The following PCDHA2 variants were observed in gnomAD, a reference collection of about 807,000 sequenced individuals.
PCDHA2 encodes the protein protocadherin alpha-2.
Under a neutral mutation model 66.0 loss-of-function variants are expected in PCDHA2, and 58 were observed. The observed-to-expected ratio is 0.88, with a 90% CI of 0.71 to 1.09. PCDHA2 has a LOEUF of 1.09. Ranked by LOEUF, PCDHA2 falls within the 50% of genes least tolerant of loss-of-function variation. The pLI, the probability that PCDHA2 is intolerant of heterozygous loss-of-function variation, is 0.00. For missense variants in PCDHA2, 1,267 were observed against 1,242.3 expected (o/e 1.02, Z -0.30); for synonymous variants, 634 against 554.0 (o/e 1.14, Z -2.03).
chr5:140,850,665 T>TCGGCGATGCC, intron 1 of PCDHA2: 1 of 1,598,290 alleles, frequency 6.3e-7, no homozygotes, highest in African/African-American at 1.3e-5. Context: ...GCTGCGGTGC[T>TCGGCGATGCC]CGGCGATGCC....
intron 1 of PCDHA2, among the ~76,000 whole-genome samples, chr5:140,937,823 A>T (rs2091776135): frequency 6.6e-6 from 1 of 151,692 alleles, no homozygotes; most frequent in Admixed American, 6.6e-5. Context: ...GAGGCAGGAG[A>T]ATGGCATGAA....
At chr5:140,997,993 C>T (rs1356544638) in intron 3 of PCDHA2, among the ~76,000 whole-genome samples, 1 of 152,082 alleles carries the variant, frequency 6.6e-6, no homozygotes, top group Non-Finnish European at 1.5e-5. Flanking sequence ...TACATACTTC[C>T]CTCTGAGCCT....
chr5:140,797,446 A>T (rs183641281), intron 1 of PCDHA2, 94 bp downstream of exon 1: 1 of 1,337,564 alleles, frequency 7.5e-7, no homozygotes, highest in Non-Finnish European at 1.0e-6. Context: ...ATAGTTCTTC[A>T]TTTATTTTAT....
chr5:140,966,452 C>T, intron 1 of PCDHA2: 1 of 425,890 alleles, frequency 2.3e-6, no homozygotes, highest in South Asian at 9.0e-5. Flanking sequence ...TTTCCCCCTC[C>T]CCCTCTGTCT....
Position 140,870,951 on chromosome 5 carries a change from C to T in PCDHA2, c.2388+73599C>T, listed in dbSNP as rs781985952. 6 of 1,613,558 alleles carry T rather than the reference C, an allele frequency of 3.7e-6. No individual in the cohort carries two copies. The Admixed American group carries it at 1.0e-4, about 27-fold the overall frequency. ...ATGAATTGCAGCCGGCGGCGGGCGGCTCGCGCATCCCGTTCCGCGTGGGGC... is the reference window on the plus strand; with the variant it reads ...ATGAATTGCAGCCGGCGGCGGGCGGTTCGCGCATCCCGTTCCGCGTGGGGC... On this transcript the variant is annotated intron_variant, in intron 1 of 3. Transcript: ENST00000526136.
intron 1 of PCDHA2, among the ~76,000 whole-genome samples, chr5:140,890,847 C>A (rs2062829860): frequency 1.3e-5 from 2 of 152,148 alleles, no homozygotes. Flanking sequence ...AGTTTTGTTT[C>A]TCTTCCTTAC....
intron 1 of PCDHA2, among the ~76,000 whole-genome samples, chr5:140,818,603 A>G (rs1766396825): frequency 6.6e-6 from 1 of 152,166 alleles, no homozygotes; most frequent in African/African-American, 2.4e-5. Flanking sequence ...TGTGTGGGCC[A>G]TGACAGGAGG....
At chr5:140,859,469 A>G in intron 1 of PCDHA2, 1 of 211,582 alleles carries the variant, frequency 4.7e-6, no homozygotes, top group Non-Finnish European at 9.2e-6. Context: ...CTACACTATC[A>G]ATTGTGTTTT....
chr5:140,836,112 G>C, intron 1 of PCDHA2: 1 of 1,613,758 alleles, frequency 6.2e-7, no homozygotes. Flanking sequence ...TGGTGGCGCA[G>C]TGAGAGAGCT....
chr5:140,838,287 T>TTTTC (rs200382821), intron 1 of PCDHA2, among the ~76,000 whole-genome samples: 30 of 150,176 alleles, frequency 2.0e-4, no homozygotes, highest in African/African-American at 7.4e-4. Context: ...CTAATTTTTT[T>TTTTC]TTTTTTTTGT....
intron 1 of PCDHA2, among the ~76,000 whole-genome samples, chr5:140,932,330 G>A (rs1339060592): frequency 6.6e-6 from 1 of 151,860 alleles, no homozygotes; most frequent in African/African-American, 2.4e-5. Context: ...TAGCAAAAAT[G>A]CATGAAACAC....
intron 1 of PCDHA2, among the ~76,000 whole-genome samples, chr5:140,973,724 G>T (rs1272606867): frequency 6.6e-6 from 1 of 152,176 alleles, no homozygotes; most frequent in Non-Finnish European, 1.5e-5. Context: ...CATCACATGG[G>T]CATCTGGTCT....
chr5:140,874,622 A>G (rs554375384), intron 1 of PCDHA2, among the ~76,000 whole-genome samples: 5 of 152,374 alleles, frequency 3.3e-5, no homozygotes, highest in Non-Finnish European at 7.3e-5. Flanking sequence ...TAAACATTTT[A>G]CATTAAAGTG....
At chr5:140,962,319 T>A (rs1585921663) in intron 1 of PCDHA2, among the ~76,000 whole-genome samples, 1 of 152,226 alleles carries the variant, frequency 6.6e-6, no homozygotes, top group Admixed American at 6.5e-5. Context: ...GCCATCTCAA[T>A]TGAGAATACT....
At chr5:140,837,001 C>A in intron 1 of PCDHA2, 1 of 327,960 alleles carries the variant, frequency 3.0e-6, no homozygotes, top group Non-Finnish European at 5.5e-6. Flanking sequence ...CTAACTGGAG[C>A]AATGGATTCA....
intron 1 of PCDHA2, chr5:140,843,068 C>T (rs1345239073): frequency 1.3e-6 from 2 of 1,595,216 alleles, no homozygotes; most frequent in East Asian, 2.2e-5. Context: ...GCTGGTGCCG[C>T]GGTCTGTGGG....
intron 1 of PCDHA2, chr5:140,841,197 A>G: frequency 7.8e-7 from 1 of 1,277,430 alleles, no homozygotes; most frequent in Non-Finnish European, 1.1e-6. Context: ...CTTTTCTCTG[A>G]CAGCATCTGT....
At chr5:140,828,462 G>A (rs2150155526) in intron 1 of PCDHA2, 15 of 1,614,182 alleles carry the variant, frequency 9.3e-6, no homozygotes, top group South Asian at 8.8e-5. Context: ...GTGGAGGTGA[G>A]GGACATTAAC....
chr5:140,817,875 A>T (rs1766223653), intron 1 of PCDHA2, among the ~76,000 whole-genome samples: 1 of 152,188 alleles, frequency 6.6e-6, no homozygotes, highest in Non-Finnish European at 1.5e-5. Flanking sequence ...ATTGAATGAA[A>T]GTTATTTTTG....
Sources: gnomAD v4.1 joint callset for allele counts (sites outside exome capture counted in the v4.1 genomes callset) on GRCh38, gnomAD v4.1.1 for gene constraint, MANE v1.5 for transcripts, NCBI Gene and HGNC (gene_info 2026-07-23, HGNC 2026-07-21) for gene names.